The following TRPM2 variants were observed in gnomAD, a reference collection of about 807,000 sequenced individuals.
TRPM2 encodes transient receptor potential cation channel subfamily M member 2, also known as estrogen-responsive element-associated gene 1 protein.
Under a neutral mutation model 174.0 loss-of-function variants are expected in TRPM2, and 161 were observed. That is an observed-to-expected ratio of 0.93 (90% CI 0.81 to 1.05). The LOEUF (loss-of-function observed/expected upper bound fraction) is 1.05, where lower values mean the gene tolerates loss of function less well. Among genes scored for constraint, TRPM2 ranks in the 50% least tolerant of loss-of-function variants. TRPM2 has a pLI of 0.00. For synonymous variants in TRPM2, 954 were observed against 861.3 expected (o/e 1.11, Z -1.88); for missense variants, 2,057 against 2,038.0 (o/e 1.01, Z -0.18).
At chr21:44,382,112 A>G (rs2048899552) in intron 8 of TRPM2, among the ~76,000 whole-genome samples, 1 of 151,918 alleles carries the variant, frequency 6.6e-6, no homozygotes, top group Admixed American at 6.5e-5. Flanking sequence ...ATGGATAGCT[A>G]GACAATAGAT....
At chr21:44,414,585 C>T (rs746602517) in intron 20 of TRPM2, 2 of 154,162 alleles carry the variant, frequency 1.3e-5, no homozygotes, top group Non-Finnish European at 2.9e-5. Flanking sequence ...TACTATGACA[C>T]CAGGTTTTTG....
intron 22 of TRPM2, among the ~76,000 whole-genome samples, chr21:44,419,715 G>C: frequency 6.6e-6 from 1 of 150,868 alleles, no homozygotes; most frequent in Non-Finnish European, 1.5e-5. Context: ...TGGTGATGGT[G>C]GTGGTGATGG....
At chr21:44,416,809 GCT>G (rs1334348080) in intron 20 of TRPM2, 6 of 174,920 alleles carry the variant, frequency 3.4e-5, no homozygotes, top group African/African-American at 1.7e-4. Context: ...CGTGGGCATG[GCT>G]CTGCTCTCTG....
At position 44,385,370 on chromosome 21, in the gene TRPM2, C is replaced by T. The variant is rs373679232; in HGVS notation, c.1318+2550C>T. ...ACAGTGCTAATGGAGAAATTTATAG[C>T]TATACATGCTTACATTAAAAAATAA... is the stretch of plus-strand genomic sequence containing the variant. On this transcript the variant is annotated intron_variant, in intron 9 of 31. Coordinates refer to ENST00000397928, the MANE Select transcript of TRPM2 (RefSeq NM_003307.4). Among the ~76,000 whole-genome samples, 5 of 152,158 alleles carry T rather than the reference C, an allele frequency of 3.3e-5. No individual in the cohort carries two copies. The East Asian group carries it at 9.6e-4, about 29-fold the overall frequency.
At position 44,377,743 on chromosome 21, in the gene TRPM2, G is replaced by A. The variant is rs749284819; in HGVS notation, c.984G>A (p.Val328=). 8 of 1,614,098 alleles carry A rather than the reference G, an allele frequency of 5.0e-6. No homozygotes were observed. The highest frequency in any genetic ancestry group is 1.3e-5 in the African/African-American group (1 of 74,950). ...GVAIKIPIVC[V]VLEGGPGTLH... The stretch of plus-strand genomic sequence containing the variant: ...CCATCAAGATCCCCATCGTGTGCGT[G>A]GTGCTGGAGGGCGGCCCGGGCACGT... The change falls in exon 7 of 32, where the codon GTG becomes GTA. Residue 328 remains valine (V), a synonymous_variant. Coordinates refer to ENST00000397928, the MANE Select transcript of TRPM2 (RefSeq NM_003307.4).
chr21:44,392,803 C>A lies in TRPM2; in HGVS notation c.1794+1178C>A, dbSNP rs867249521. Among the ~76,000 whole-genome samples the A allele has an allele frequency of 1.8e-4, 27 of 152,236 alleles. No individual in the cohort carries two copies. In the Middle Eastern group the frequency reaches 0.014, roughly 77 times the overall value. On this transcript the variant is annotated intron_variant, in intron 11 of 31. Coordinates refer to ENST00000397928, the MANE Select transcript of TRPM2 (RefSeq NM_003307.4). ...GGGAGCGTGATCCCCCTGCCCTGAG[C>A]CCCACTGCTGCCCACTGTGTATGCT...
In TRPM2 at chr21:44,399,375, G is replaced by C. The variant is rs1419040247; in HGVS notation, c.2142G>C (p.Lys714Asn). The change falls in exon 14 of 32, where the codon AAG becomes AAC. Residue 714 changes from lysine to asparagine, a missense_variant. Transcript: ENST00000397928. The surrounding 1 kb of genome is among the most constrained non-coding windows in gnomAD (Gnocchi z 4.6). ...LLTRVSEAWG[K>N]TTCLQLALEA... ...CCCGCGTGTCCGAGGCCTGGGGGAA[G>C]ACCACCTGCCTGCAGCTCGCCCTGG... 1 of 1,612,862 alleles carries C rather than the reference G, an allele frequency of 6.2e-7. No individual in the cohort carries two copies. The highest frequency in any genetic ancestry group is 8.5e-7 in the Non-Finnish European group (1 of 1,179,910).
chr21:44,404,089 A>G (rs1601165806), intron 16 of TRPM2, among the ~76,000 whole-genome samples: 1 of 152,314 alleles, frequency 6.6e-6, no homozygotes, highest in African/African-American at 2.4e-5. Flanking sequence ...ATGTACACAC[A>G]TACACACACA....
intron 12 of TRPM2, among the ~76,000 whole-genome samples, chr21:44,396,329 G>T (rs1300321527): frequency 6.1e-5 from 1 of 16,414 alleles, no homozygotes; most frequent in Admixed American, 5.0e-4. Flanking sequence ...GGAGGATGTG[G>T]AGGGGTGTGG....
At chr21:44,424,790 T>G in intron 23 of TRPM2, 62 bp from the exon 24 acceptor site, 15 of 997,894 alleles carry the variant, frequency 1.5e-5, no homozygotes, top group South Asian at 2.5e-5. Flanking sequence ...CGGTGGGCAG[T>G]GGGGTGTGTA....
intron 19 of TRPM2, 54 bp downstream of exon 19, chr21:44,406,819 A>C: frequency 6.5e-7 from 1 of 1,550,056 alleles, no homozygotes; most frequent in South Asian, 1.2e-5. Flanking sequence ...AGCAGGAGAG[A>C]GGCTGGAAAG....
intron 8 of TRPM2, 113 bp from the exon 9 acceptor site, chr21:44,382,605 C>A: frequency 1.1e-6 from 1 of 948,918 alleles, no homozygotes; most frequent in Non-Finnish European, 1.6e-6. Context: ...TGGCCACAAG[C>A]GCAGGCAGGA....
In TRPM2 at chr21:44,354,833, A is replaced by G. The variant is rs976551360; in HGVS notation, c.254+97A>G. 38 of 1,077,112 alleles carry G rather than the reference A, an allele frequency of 3.5e-5. No homozygotes were observed. The African/African-American group carries it at 5.1e-4, about 15-fold the overall frequency. The allele number at this position is 1,077,112 out of a possible 1,614,324, so 66.7% of individuals were successfully genotyped here. A position where few individuals can be genotyped will look rare whatever the true frequency, so the allele number is the denominator to read the frequency against. On this transcript the variant is annotated intron_variant, in intron 2 of 31. Transcript: ENST00000397928. This position sits in a 1 kb window ranked among gnomAD's most constrained non-coding sequence, Gnocchi z 4.3. The stretch of plus-strand genomic sequence containing the variant: ...CCAAGACCCCTCAGGGCCTCAGTGA[A>G]GGGTCACTGGAGATACCTCTGTCTC...
At chr21:44,431,922 G>A (rs770125649) in intron 27 of TRPM2, among the ~76,000 whole-genome samples, 23 of 152,162 alleles carry the variant, frequency 1.5e-4, no homozygotes, top group South Asian at 8.3e-4. Flanking sequence ...CAGCTGTTTG[G>A]CTGTAACCCT....
chr21:44,411,177 T>A (rs112950770), intron 19 of TRPM2, among the ~76,000 whole-genome samples: 1,628 of 152,346 alleles, frequency 0.011, 33 homozygotes, highest in African/African-American at 0.037. Flanking sequence ...ACAAGAATTT[T>A]TGGATCAGCT....
At chr21:44,421,057 C>A (rs1354140016) in intron 22 of TRPM2, among the ~76,000 whole-genome samples, 2 of 152,018 alleles carry the variant, frequency 1.3e-5, no homozygotes, top group Non-Finnish European at 2.9e-5. Flanking sequence ...CGGTGGCTCA[C>A]GCCTGTAATC....
At chr21:44,440,983 G>A in intron 31 of TRPM2, 78 bp downstream of exon 31, 4 of 1,249,768 alleles carry the variant, frequency 3.2e-6, no homozygotes, top group South Asian at 2.4e-5. Flanking sequence ...GAGGGGGTTG[G>A]CAGGGATGGG....
chr21:44,419,575 GAT>G (rs1569097460), intron 22 of TRPM2, among the ~76,000 whole-genome samples: 71 of 150,774 alleles, frequency 4.7e-4, no homozygotes, highest in South Asian at 1.1e-3. Context: ...TGGTGGTGGT[GAT>G]GGTAGTGGTG....
intron 19 of TRPM2, among the ~76,000 whole-genome samples, chr21:44,413,478 G>A (rs989069027): frequency 2.6e-5 from 4 of 152,106 alleles, no homozygotes; most frequent in Non-Finnish European, 5.9e-5. Context: ...CCTGACCTCA[G>A]GTGATCCGCC....
Sources: gnomAD v4.1 joint callset for allele counts (sites outside exome capture counted in the v4.1 genomes callset) on GRCh38, gnomAD v4.1.1 for gene constraint, Gnocchi (gnomAD v3.1) non-coding constraint, MANE v1.5 for transcripts, NCBI Gene and HGNC (gene_info 2026-07-23, HGNC 2026-07-21) for gene names.